The following NPEPPS variants were observed in gnomAD, a reference collection of about 807,000 sequenced individuals.
NPEPPS encodes puromycin-sensitive aminopeptidase.
In NPEPPS, 14 loss-of-function variants were observed where a neutral mutation model predicts 115.5. The ratio of observed to expected loss-of-function variants is 0.12; its 90% confidence interval spans 0.08 to 0.19. The LOEUF (loss-of-function observed/expected upper bound fraction) is 0.19. Ranked by LOEUF, NPEPPS falls within the 10% of genes least tolerant of loss-of-function variation. The pLI is 1.00. For missense variants in NPEPPS, 523 were observed against 1,110.8 expected (o/e 0.47, Z 7.52); for synonymous variants, 285 against 390.6 (o/e 0.73, Z 3.19).
At chr17:47,540,354 T>G (rs1274090319) in intron 1 of NPEPPS, among the ~76,000 whole-genome samples, 1 of 152,156 alleles carries the variant, frequency 6.6e-6, no homozygotes, top group Non-Finnish European at 1.5e-5. Context: ...ACTGGGAAAC[T>G]GAAGATTTTA....
intron 2 of NPEPPS, among the ~76,000 whole-genome samples, chr17:47,566,025 A>C (rs1247825357): frequency 6.6e-6 from 1 of 152,166 alleles, no homozygotes; most frequent in South Asian, 2.1e-4. Context: ...ACAGGGTCTC[A>C]CTCTGTCACC....
intron 16 of NPEPPS, among the ~76,000 whole-genome samples, 185 bp from the exon 17 acceptor site, chr17:47,605,147 AT>A (rs1224591840): frequency 1.3e-5 from 2 of 152,228 alleles, no homozygotes; most frequent in Non-Finnish European, 2.9e-5. Flanking sequence ...AAAGAAAAAA[AT>A]AACAAAGGAT....
chr17:47,554,971 T>C (rs1373829280), intron 2 of NPEPPS, among the ~76,000 whole-genome samples: 1 of 152,236 alleles, frequency 6.6e-6, no homozygotes, highest in African/African-American at 2.4e-5. Context: ...ACTTACGAAT[T>C]CTTTGTTTCT....
chr17:47,529,736 A>ATT (rs1491237254), upstream of NPEPPS, among the ~76,000 whole-genome samples: 6 of 8,032 alleles, frequency 7.5e-4, no homozygotes, highest in African/African-American at 2.4e-3. Context: ...TTTCAGTTAC[A>ATT]TTATATATAT....
intron 1 of NPEPPS, among the ~76,000 whole-genome samples, chr17:47,532,000 C>A (rs980828711): frequency 6.6e-6 from 1 of 152,160 alleles, no homozygotes; most frequent in Non-Finnish European, 1.5e-5. Context: ...TTTGGTTTCT[C>A]TCTACACCTC....
chr17:47,555,029 T>A (rs2143749893), intron 2 of NPEPPS, among the ~76,000 whole-genome samples: 1 of 152,192 alleles, frequency 6.6e-6, no homozygotes, highest in East Asian at 1.9e-4. Flanking sequence ...TCTAGGCAGT[T>A]GAAACTGTGG....
chr17:47,570,033 T>C (rs1911101250), intron 3 of NPEPPS, among the ~76,000 whole-genome samples: 1 of 152,224 alleles, frequency 6.6e-6, no homozygotes, highest in African/African-American at 2.4e-5. Context: ...CTATATTCTC[T>C]TTAAACGAAC....
chr17:47,555,205 C>T lies in NPEPPS; in HGVS notation c.340+9212C>T, dbSNP rs1567844284. 2.6e-5 allele frequency among the ~76,000 whole-genome samples: 4 copies of T among 152,244 alleles called. No individual in the cohort carries two copies. The South Asian group carries it at 8.3e-4, about 32-fold the overall frequency. On this transcript the variant is annotated intron_variant, in intron 2 of 22. Transcript: ENST00000322157. ...TTAAGGACTACCATCAAGATACTTACTAATTGTAAAGATTCTTTACGGTAT... is the reference window on the plus strand; with the variant it reads ...TTAAGGACTACCATCAAGATACTTATTAATTGTAAAGATTCTTTACGGTAT...
chr17:47,607,732 T>TG, intron 17 of NPEPPS, among the ~76,000 whole-genome samples: 2 of 152,308 alleles, frequency 1.3e-5, no homozygotes, highest in East Asian at 3.9e-4. Flanking sequence ...TGAAACTATT[T>TG]GGTGAAGGAT....
intron 19 of NPEPPS, 110 bp downstream of exon 19, chr17:47,613,835 A>G (rs990288747): frequency 1.4e-6 from 1 of 717,286 alleles, no homozygotes; most frequent in Non-Finnish European, 2.3e-6. Context: ...AAAGATGCAT[A>G]TTGTAGACAT....
intron 15 of NPEPPS, chr17:47,602,046 CCT>C: frequency 3.5e-6 from 1 of 284,146 alleles, no homozygotes; most frequent in Non-Finnish European, 6.6e-6. Context: ...TTCAAACTCC[CCT>C]GTCATTGTAA....
At chr17:47,531,599 G>C in intron 1 of NPEPPS, 44 bp downstream of exon 1, 1 of 1,547,394 alleles carries the variant, frequency 6.5e-7, no homozygotes. Flanking sequence ...GGGGCGAGCA[G>C]TTAGGCCGCG....
At chr17:47,612,122 C>A (rs1913909125) in intron 17 of NPEPPS, among the ~76,000 whole-genome samples, 1 of 152,020 alleles carries the variant, frequency 6.6e-6, no homozygotes, top group Admixed American at 6.6e-5. Context: ...TTTCTTTGAA[C>A]CTTGGGTCAA....
intron 2 of NPEPPS, among the ~76,000 whole-genome samples, chr17:47,565,781 CTG>C (rs1292059602): frequency 6.6e-6 from 1 of 150,984 alleles, no homozygotes; most frequent in African/African-American, 2.4e-5. Context: ...GATGGCAGCA[CTG>C]TACTCCAGGT....
At chr17:47,616,601 T>A (rs1343908921) in intron 19 of NPEPPS, among the ~76,000 whole-genome samples, 2 of 151,776 alleles carry the variant, frequency 1.3e-5, no homozygotes, top group Non-Finnish European at 2.9e-5. Context: ...GGAGCATTGC[T>A]TGAACCTGGG....
chr17:47,610,845 C>CTTTTTTTTTTTTTTT lies in NPEPPS; in HGVS notation c.2096-1603_2096-1589dup, dbSNP rs59893483. On this transcript the variant is annotated intron_variant, in intron 17 of 22. Transcript: ENST00000322157. The stretch of plus-strand genomic sequence containing the variant: ...GAAATTGCTGAGTCATATGATGACT[C>CTTTTTTTTTTTTTTT]TTTTTTTTTTTTTTTTTTTTTTTTT... 7.0e-5 allele frequency among the ~76,000 whole-genome samples: 7 copies of CTTTTTTTTTTTTTTT among 100,112 alleles called. 1 individual carries two copies. Among genetic ancestry groups the CTTTTTTTTTTTTTTT allele is most frequent in the African/African-American group, 2.5e-4 (6 of 24,024 alleles). 65.7% of individuals were successfully genotyped at this position (100,112 alleles called of 152,430 possible).
chr17:47,620,976 A>T (rs1466756469), intron 22 of NPEPPS, among the ~76,000 whole-genome samples: 1 of 152,078 alleles, frequency 6.6e-6, no homozygotes, highest in East Asian at 1.9e-4. Flanking sequence ...TGAGTTCAAG[A>T]GTTCAAGACC....
chr17:47,543,218 G>A (rs112206155), intron 1 of NPEPPS, among the ~76,000 whole-genome samples: 2,413 of 151,524 alleles, frequency 0.016, 55 homozygotes, highest in African/African-American at 0.054. Context: ...ACTTAATGGC[G>A]CGCACACACA....
At chr17:47,529,214 T>C (rs1431189740), upstream of NPEPPS, among the ~76,000 whole-genome samples, 2 of 152,176 alleles carry the variant, frequency 1.3e-5, no homozygotes, top group Non-Finnish European at 2.9e-5. Flanking sequence ...TTTGACACTT[T>C]AAATAACATT....
Sources: gnomAD v4.1 joint callset for allele counts (sites outside exome capture counted in the v4.1 genomes callset) on GRCh38, gnomAD v4.1.1 for gene constraint, MANE v1.5 for transcripts, NCBI Gene and HGNC (gene_info 2026-07-23, HGNC 2026-07-21) for gene names.